Variants in FAM110B observed in about 807,000 individuals in gnomAD.
FAM110B encodes family with sequence similarity 110 member B.
FAM110B carries 6 observed loss-of-function variants against 20.4 expected under a neutral mutation model. The ratio of observed to expected loss-of-function variants is 0.29; its 90% CI spans 0.16 to 0.58. The LOEUF is 0.58. Ranked by LOEUF, FAM110B falls within the 20% of genes least tolerant of loss-of-function variation. The pLI, the probability that FAM110B is intolerant of heterozygous loss-of-function variation, is 0.90. For synonymous variants in FAM110B, 226 were observed against 214.1 expected, an observed-to-expected ratio of 1.06 and a Z score of -0.49; for missense variants, 434 against 498.2, an observed-to-expected ratio of 0.87 and a Z score of 1.23.
chr8:58,001,150 A>C (rs1804286866), intron 1 of FAM110B, among the ~76,000 whole-genome samples: 1 of 152,136 alleles, frequency 6.6e-6, no homozygotes, highest in Non-Finnish European at 1.5e-5. Flanking sequence ...TAATTTAATG[A>C]AGATTTTTTT....
chr8:58,067,697 T>C (rs1355932909), intron 2 of FAM110B, among the ~76,000 whole-genome samples: 4 of 152,246 alleles, frequency 2.6e-5, no homozygotes, highest in Non-Finnish European at 5.9e-5. Context: ...CCTTTAGGAA[T>C]CAGAATGCTC....
intron 2 of FAM110B, among the ~76,000 whole-genome samples, chr8:58,048,469 T>C (rs1397615310): frequency 2.0e-5 from 3 of 152,156 alleles, no homozygotes; most frequent in Non-Finnish European, 4.4e-5. Flanking sequence ...GGCATTGGTG[T>C]CTTCCTAGCT....
At chr8:58,039,990 C>CT (rs1157789049) in intron 2 of FAM110B, among the ~76,000 whole-genome samples, 2 of 149,962 alleles carry the variant, frequency 1.3e-5, no homozygotes, top group Non-Finnish European at 3.0e-5. Context: ...ATTTTTAAAT[C>CT]TTTTACATTT....
chr8:58,100,093 G>C (rs1806739080), intron 3 of FAM110B, among the ~76,000 whole-genome samples: 2 of 152,064 alleles, frequency 1.3e-5, no homozygotes. Context: ...CTTTTCTCTT[G>C]TAACTTAGAT....
At chr8:58,078,878 G>A (rs1326489955) in intron 3 of FAM110B, among the ~76,000 whole-genome samples, 1 of 152,104 alleles carries the variant, frequency 6.6e-6, no homozygotes, top group Non-Finnish European at 1.5e-5. Flanking sequence ...TATGGTGCGT[G>A]CTAGATACTT....
chr8:58,029,507 C>T (rs1332585447), intron 1 of FAM110B, among the ~76,000 whole-genome samples: 3 of 151,950 alleles, frequency 2.0e-5, no homozygotes, highest in Non-Finnish European at 4.4e-5. Context: ...TGAGTTGACT[C>T]GTGATGTTGT....
chr8:58,062,943 A>G (rs1264363890), intron 2 of FAM110B, among the ~76,000 whole-genome samples: 1 of 152,246 alleles, frequency 6.6e-6, no homozygotes, highest in Non-Finnish European at 1.5e-5. Context: ...CAGCGCCAAC[A>G]GAGGCTTTCC....
chr8:58,087,234 G>A (rs1806359857), intron 3 of FAM110B, among the ~76,000 whole-genome samples: 1 of 152,200 alleles, frequency 6.6e-6, no homozygotes, highest in Non-Finnish European at 1.5e-5. Flanking sequence ...CCATGTAGTA[G>A]TGCCAAAGAA....
intron 3 of FAM110B, among the ~76,000 whole-genome samples, chr8:58,078,498 G>A (rs1335393351): frequency 6.8e-6 from 1 of 147,822 alleles, no homozygotes; most frequent in East Asian, 2.0e-4. Context: ...GATAAAGTCA[G>A]TTTCTCCTTG....
chr8:58,098,050 C>T (rs2150608489), intron 3 of FAM110B, among the ~76,000 whole-genome samples: 1 of 152,328 alleles, frequency 6.6e-6, no homozygotes, highest in South Asian at 2.1e-4. Context: ...GCAGTCTGTC[C>T]CTTAGCAGAG....
At chr8:58,038,770 C>A (rs933510721) in intron 2 of FAM110B, among the ~76,000 whole-genome samples, 3 of 150,760 alleles carry the variant, frequency 2.0e-5, no homozygotes, top group African/African-American at 4.9e-5. Flanking sequence ...AAAAAAAAAT[C>A]TCTGAAAAGT....
chr8:58,129,247 T>G (rs575676274), intron 3 of FAM110B, among the ~76,000 whole-genome samples: 1 of 152,356 alleles, frequency 6.6e-6, no homozygotes, highest in South Asian at 2.1e-4. Flanking sequence ...TGGTCTCTGA[T>G]GTCATCTCAG....
chr8:58,138,580 C>T (rs1803675070), intron 3 of FAM110B, among the ~76,000 whole-genome samples: 1 of 152,122 alleles, frequency 6.6e-6, no homozygotes, highest in Non-Finnish European at 1.5e-5. Context: ...AGGCTATGGC[C>T]ACCATTGTGT....
intron 3 of FAM110B, among the ~76,000 whole-genome samples, chr8:58,075,864 C>T (rs1264163316): frequency 1.3e-5 from 2 of 152,208 alleles, no homozygotes; most frequent in African/African-American, 4.8e-5. Context: ...TTTCATGATA[C>T]ACCTTCTACA....
intron 3 of FAM110B, among the ~76,000 whole-genome samples, chr8:58,117,187 C>T (rs1433620497): frequency 6.6e-6 from 1 of 152,158 alleles, no homozygotes; most frequent in Non-Finnish European, 1.5e-5. Flanking sequence ...GTATTTTTCT[C>T]TGAATCTAAT....
chr8:58,051,568 C>G (rs1805441259), intron 2 of FAM110B, among the ~76,000 whole-genome samples: 1 of 152,152 alleles, frequency 6.6e-6, no homozygotes, highest in African/African-American at 2.4e-5. Flanking sequence ...CCTATGTTTA[C>G]TTTTCGGAGA....
chr8:58,055,918 A>C (rs1378948873), intron 2 of FAM110B, among the ~76,000 whole-genome samples: 1 of 152,244 alleles, frequency 6.6e-6, no homozygotes, highest in Non-Finnish European at 1.5e-5. Flanking sequence ...TTGGAGACAA[A>C]GGGATTCGTA....
chr8:58,075,425 G>A (rs537834535), intron 2 of FAM110B, 110 bp from the exon 3 acceptor site: 1 of 152,034 alleles, frequency 6.6e-6, no homozygotes, highest in South Asian at 2.1e-4. Flanking sequence ...AGCCTGTATT[G>A]ACTAATTTTT....
intron 3 of FAM110B, among the ~76,000 whole-genome samples, chr8:58,134,817 T>C (rs1585915306): frequency 6.6e-6 from 1 of 152,342 alleles, no homozygotes; most frequent in East Asian, 1.9e-4. Flanking sequence ...TTTATAAACA[T>C]TTTACCTTCT....
Sources: gnomAD v4.1 joint callset for allele counts (sites outside exome capture counted in the v4.1 genomes callset) on GRCh38, gnomAD v4.1.1 for gene constraint, MANE v1.5 for transcripts, NCBI Gene and HGNC (gene_info 2026-07-23, HGNC 2026-07-21) for gene names.